Variants in CLASP2 observed in about 807,000 individuals in gnomAD.
The protein encoded by CLASP2 is CLIP-associating protein 2.
Under a neutral mutation model 194.4 loss-of-function variants are expected in CLASP2, and 47 were observed. That is an observed-to-expected ratio of 0.24 (90% confidence interval 0.19 to 0.31). CLASP2 has a LOEUF of 0.31. Among genes scored for constraint, CLASP2 ranks in the 10% least tolerant of loss-of-function variants. CLASP2 has a pLI of 1.00. For missense variants in CLASP2, 1,445 were observed against 1,823.6 expected (o/e 0.79, Z 3.78); for synonymous variants, 619 against 633.5 (o/e 0.98, Z 0.34).
chr3:33,639,100 T>C (rs140759860), intron 8 of CLASP2, among the ~76,000 whole-genome samples: 113 of 152,300 alleles, frequency 7.4e-4, no homozygotes, highest in African/African-American at 2.6e-3. Flanking sequence ...CGCTGTCACA[T>C]GGGCTGGAGC....
intron 36 of CLASP2, among the ~76,000 whole-genome samples, chr3:33,514,334 A>G (rs2050706600): frequency 6.6e-6 from 1 of 152,176 alleles, no homozygotes; most frequent in African/African-American, 2.4e-5. Context: ...AAGCTAATAA[A>G]GCACAAAAGG....
chr3:33,578,479 G>A (rs561939357), intron 23 of CLASP2, among the ~76,000 whole-genome samples: 1 of 152,132 alleles, frequency 6.6e-6, no homozygotes, highest in Admixed American at 6.5e-5. Flanking sequence ...AGATATATTA[G>A]AGCAGTTAAA....
intron 34 of CLASP2, among the ~76,000 whole-genome samples, chr3:33,527,402 A>G (rs2054870308): frequency 6.6e-6 from 1 of 152,194 alleles, no homozygotes; most frequent in African/African-American, 2.4e-5. Context: ...CACCCTCCCA[A>G]AACTGATGCA....
At position 33,687,094 on chromosome 3, in the gene CLASP2, T is replaced by C. The variant is rs767916416; in HGVS notation, c.512A>G (p.His171Arg). ...QPLVISKLIPHLCILFGDSNS... is the reference protein window; with the variant it reads ...QPLVISKLIPRLCILFGDSNS... ...GGAGTCTCCAAACAGGATACACAAA[T>C]GTGGTATCAATTTGCTGATGACTAG... The change falls in exon 5 of 39, where the codon CAT becomes CGT. Residue 171 changes from histidine to arginine, a missense_variant. Physicochemically the swap from His to Arg is conservative, Grantham distance 29. Around this residue, in one of 4 missense-constraint regions of CLASP2, gnomAD observed 332 missense variants for 325.3 expected, o/e 1.02. Transcript: ENST00000682230. The C allele has an allele frequency of 1.9e-6, 3 of 1,603,704 alleles. No homozygotes were observed. The highest frequency in any genetic ancestry group is 1.3e-5 in the African/African-American group (1 of 74,726).
chr3:33,562,064 G>A (rs1444127898), intron 27 of CLASP2, among the ~76,000 whole-genome samples: 2 of 151,948 alleles, frequency 1.3e-5, no homozygotes, highest in Non-Finnish European at 2.9e-5. Context: ...AGAAATGAAG[G>A]ATTTTCTTTA....
intron 37 of CLASP2, chr3:33,502,329 A>G (rs912859635): frequency 6.6e-6 from 1 of 152,382 alleles, no homozygotes; most frequent in African/African-American, 2.4e-5. Flanking sequence ...TAATAATTGT[A>G]TATATTTATG....
chr3:33,590,410 T>C (rs1169678365), intron 21 of CLASP2, among the ~76,000 whole-genome samples: 1 of 152,160 alleles, frequency 6.6e-6, no homozygotes, highest in East Asian at 1.9e-4. Context: ...TCAGTAGAGC[T>C]GTAATGGCAT....
At chr3:33,555,472 C>T (rs1230220232) in intron 29 of CLASP2, among the ~76,000 whole-genome samples, 1 of 151,548 alleles carries the variant, frequency 6.6e-6, no homozygotes, top group Admixed American at 6.6e-5. Context: ...CTCAAGTGAC[C>T]CTCCCACCTC....
chr3:33,686,005 T>C (rs1448568467), intron 5 of CLASP2, among the ~76,000 whole-genome samples: 1 of 152,090 alleles, frequency 6.6e-6, no homozygotes, highest in Non-Finnish European at 1.5e-5. Context: ...AAATTTTATA[T>C]TGTATTTGCT....
chr3:33,692,833 C>A (rs772558964), intron 2 of CLASP2, among the ~76,000 whole-genome samples: 4 of 152,134 alleles, frequency 2.6e-5, no homozygotes, highest in African/African-American at 4.8e-5. Flanking sequence ...CTATCACAGA[C>A]TGGAATTTGG....
In CLASP2 at chr3:33,606,650, G is replaced by A. The variant is rs757137380; in HGVS notation, c.1635C>T (p.Gly545=). 1.9e-6 allele frequency: 3 copies of A among 1,613,462 alleles called. No individual in the cohort carries two copies. The highest frequency in any genetic ancestry group is 3.3e-5 in the Admixed American group (2 of 59,994). ...CTGATTGTGGAAGAGATGCTACACTGCCAGAACTCTTTAAGTAAGTTTGAA... is the reference window on the plus strand; with the variant it reads ...CTGATTGTGGAAGAGATGCTACACTACCAGAACTCTTTAAGTAAGTTTGAA... The part of the protein sequence containing the change: ...KSLQTYLKSS[G]SVASLPQSDR... The change falls in exon 16 of 39, where the codon GGC becomes GGT. Residue 545 remains glycine (G), a synonymous_variant. Transcript: ENST00000682230.
chr3:33,641,397 A>G (rs993446655), intron 8 of CLASP2, among the ~76,000 whole-genome samples: 5 of 152,032 alleles, frequency 3.3e-5, no homozygotes, highest in African/African-American at 1.2e-4. Flanking sequence ...TATTCTAATT[A>G]GTAAGGCACA....
intron 30 of CLASP2, chr3:33,545,240 C>G (rs2058974043): frequency 6.5e-6 from 1 of 153,222 alleles, no homozygotes; most frequent in South Asian, 2.1e-4. Context: ...TAAAGTAAGT[C>G]CGTTCTGTGG....
chr3:33,550,435 G>A lies in CLASP2; in HGVS notation c.3153+817C>T, dbSNP rs999725149. Among the ~76,000 whole-genome samples the A allele has an allele frequency of 3.3e-5, 5 of 150,076 alleles. No homozygotes were observed. In the East Asian group the frequency reaches 5.8e-4, roughly 18 times the overall value. On this transcript the variant is annotated intron_variant, in intron 30 of 38. Transcript: ENST00000682230. ...AAAAAAGATAGAAGAAGTAAACAGG[G>A]ATGAAGATAAGTCTCAGGAAGATGC...
chr3:33,520,949 T>C (rs1300403368), intron 34 of CLASP2, among the ~76,000 whole-genome samples: 1 of 151,822 alleles, frequency 6.6e-6, no homozygotes, highest in Non-Finnish European at 1.5e-5. Context: ...TCTTAGCCTT[T>C]AAAATCATCT....
At chr3:33,698,240 C>T (rs897790657) in intron 1 of CLASP2, among the ~76,000 whole-genome samples, 53 of 152,030 alleles carry the variant, frequency 3.5e-4, no homozygotes, top group African/African-American at 1.2e-3. Flanking sequence ...AACACTGTTA[C>T]GCCTAAGGCA....
intron 8 of CLASP2, among the ~76,000 whole-genome samples, chr3:33,640,046 T>A (rs1049819361): frequency 6.6e-6 from 1 of 152,072 alleles, no homozygotes; most frequent in Non-Finnish European, 1.5e-5. Context: ...CCCTTTAAGG[T>A]GAAAATCTTC....
chr3:33,625,261 G>A (rs1485553026), intron 10 of CLASP2, among the ~76,000 whole-genome samples: 3 of 151,854 alleles, frequency 2.0e-5, no homozygotes, highest in Non-Finnish European at 4.4e-5. Flanking sequence ...AATGGGTGCA[G>A]CACACCAACA....
chr3:33,514,850 T>C (rs2050849092), intron 36 of CLASP2, among the ~76,000 whole-genome samples: 1 of 152,030 alleles, frequency 6.6e-6, no homozygotes, highest in African/African-American at 2.4e-5. Context: ...CATGTGTATG[T>C]GTATATACGC....
Sources: allele counts gnomAD v4.1 joint callset (sites outside exome capture counted in the v4.1 genomes callset), GRCh38; gene constraint gnomAD v4.1.1; regional missense constraint gnomAD v4.1.1; transcripts MANE v1.5; gene names NCBI Gene and HGNC (gene_info 2026-07-23, HGNC 2026-07-21).